Variants in NUP98 observed in about 807,000 individuals in gnomAD.
NUP98 encodes nuclear pore complex protein Nup98-Nup96.
In NUP98, 26 loss-of-function variants were observed where a neutral mutation model predicts 191.9. The ratio of observed to expected loss-of-function variants is 0.14; its 90% CI spans 0.10 to 0.19. NUP98 has a LOEUF of 0.19. NUP98 is among the 10% of genes least tolerant of loss of function. The pLI is 1.00. For missense variants in NUP98, 1,941 were observed against 2,178.8 expected (o/e 0.89, Z 2.17); for synonymous variants, 808 against 778.4 (o/e 1.04, Z -0.63).
At chr11:3,705,753 A>G (rs771734094) in intron 21 of NUP98, among the ~76,000 whole-genome samples, 2 of 152,224 alleles carry the variant, frequency 1.3e-5, no homozygotes, top group African/African-American at 4.8e-5. Context: ...GAGCACATAC[A>G]GAGTCTTAAA....
At chr11:3,748,519 T>C (rs1294648196) in intron 11 of NUP98, among the ~76,000 whole-genome samples, 2 of 152,054 alleles carry the variant, frequency 1.3e-5, no homozygotes, top group African/African-American at 2.4e-5. Flanking sequence ...AGAGTCCATC[T>C]TGGAAAAAAA....
intron 1 of NUP98, among the ~76,000 whole-genome samples, chr11:3,785,956 A>T (rs922281645): frequency 6.6e-6 from 1 of 152,172 alleles, no homozygotes; most frequent in Non-Finnish European, 1.5e-5. Context: ...AAACTGGCCC[A>T]AGCTGAAACC....
intron 11 of NUP98, among the ~76,000 whole-genome samples, chr11:3,751,082 G>T (rs1029407880): frequency 6.6e-6 from 1 of 152,150 alleles, no homozygotes; most frequent in Non-Finnish European, 1.5e-5. Flanking sequence ...TCCCAGGCCG[G>T]GCACGATGGC....
At chr11:3,701,113 A>T (rs969084874) in intron 23 of NUP98, among the ~76,000 whole-genome samples, 51 of 152,310 alleles carry the variant, frequency 3.3e-4, no homozygotes, top group African/African-American at 1.2e-3. Context: ...GAACTGGCTA[A>T]AACTCAAGGG....
At chr11:3,711,241 G>GA (rs531068552) in intron 20 of NUP98, among the ~76,000 whole-genome samples, 8 of 148,768 alleles carry the variant, frequency 5.4e-5, no homozygotes, top group African/African-American at 1.5e-4. Context: ...CTTTCTCAAG[G>GA]AAAAAAAAAG....
At chr11:3,796,317 T>C (rs2082563799) in intron 1 of NUP98, among the ~76,000 whole-genome samples, 2 of 152,216 alleles carry the variant, frequency 1.3e-5, no homozygotes, top group African/African-American at 4.8e-5. Context: ...TATCAATATT[T>C]CCTGCTTTCT....
chr11:3,691,561 T>TC, intron 27 of NUP98, 72 bp from the exon 28 acceptor site: 2 of 573,302 alleles, frequency 3.5e-6, no homozygotes, highest in Non-Finnish European at 5.0e-6. Flanking sequence ...ATGTTTCTTC[T>TC]TTTTTTTTTT....
chr11:3,730,049 C>T (rs2079783547), intron 14 of NUP98, among the ~76,000 whole-genome samples: 1 of 151,750 alleles, frequency 6.6e-6, no homozygotes, highest in Non-Finnish European at 1.5e-5. Context: ...CAAGACCAGC[C>T]TGGCCAACAT....
chr11:3,761,009 G>C (rs1456199827), intron 9 of NUP98, among the ~76,000 whole-genome samples: 2 of 152,118 alleles, frequency 1.3e-5, no homozygotes, highest in African/African-American at 4.8e-5. Flanking sequence ...GAAAAACTTT[G>C]AACATGCTAC....
At chr11:3,724,170 G>A (rs1024274543) in intron 15 of NUP98, among the ~76,000 whole-genome samples, 1 of 151,888 alleles carries the variant, frequency 6.6e-6, no homozygotes, top group East Asian at 1.9e-4. Flanking sequence ...GGTGGATAAC[G>A]CTTGTAATCC....
chr11:3,706,677 GA>G (rs1322130900), intron 20 of NUP98, 50 bp from the exon 21 acceptor site: 1 of 1,480,978 alleles, frequency 6.8e-7, no homozygotes, highest in East Asian at 2.3e-5. Context: ...ATACCAAACA[GA>G]AATAGATTCT....
intron 10 of NUP98, among the ~76,000 whole-genome samples, chr11:3,754,411 A>G (rs577256482): frequency 6.6e-6 from 1 of 152,304 alleles, no homozygotes; most frequent in Admixed American, 6.5e-5. Flanking sequence ...GGATAGAGTG[A>G]GACTCTGTTT....
Position 3,761,213 on chromosome 11 carries a change from C to T in NUP98, c.1087-587G>A, listed in dbSNP as rs544446019. Among the ~76,000 whole-genome samples the T allele has an allele frequency of 8.5e-5, 13 of 152,204 alleles. No homozygotes were observed. In the South Asian group the frequency reaches 2.7e-3, roughly 32 times the overall value. ...TTCTTTTTGGCATAATGAGTATGTT[C>T]TAAAATTAAATATGGTGATAGTTGC... On this transcript the variant is annotated intron_variant, in intron 9 of 32. Coordinates refer to ENST00000324932, the MANE Select transcript of NUP98 (RefSeq NM_016320.5).
intron 14 of NUP98, among the ~76,000 whole-genome samples, chr11:3,729,380 G>A (rs905973083): frequency 4.6e-5 from 7 of 151,686 alleles, no homozygotes; most frequent in African/African-American, 1.5e-4. Context: ...AATCAAGGAG[G>A]AGGGACAAGA....
chr11:3,732,616 G>A (rs2079890128), intron 13 of NUP98, among the ~76,000 whole-genome samples: 1 of 152,104 alleles, frequency 6.6e-6, no homozygotes, highest in Non-Finnish European at 1.5e-5. Flanking sequence ...CAAACTCTGG[G>A]TACCAGAAAT....
chr11:3,786,843 G>A (rs947040631), intron 1 of NUP98, among the ~76,000 whole-genome samples: 1 of 152,210 alleles, frequency 6.6e-6, no homozygotes, highest in South Asian at 2.1e-4. Flanking sequence ...CTATCTGAAA[G>A]ACTATGCAAG....
At chr11:3,719,162 T>C (rs2079299281) in intron 18 of NUP98, among the ~76,000 whole-genome samples, 1 of 150,080 alleles carries the variant, frequency 6.7e-6, no homozygotes. Flanking sequence ...TGAAATGAAA[T>C]AAAATAGAAT....
intron 23 of NUP98, among the ~76,000 whole-genome samples, chr11:3,701,228 G>A (rs1361602081): frequency 6.6e-6 from 1 of 151,086 alleles, no homozygotes; most frequent in Non-Finnish European, 1.5e-5. Context: ...ATTACAATGA[G>A]CATATAGCTA....
At chr11:3,693,463 T>TA in intron 26 of NUP98, 88 bp from the exon 27 acceptor site, 1 of 1,259,618 alleles carries the variant, frequency 7.9e-7, no homozygotes, top group Non-Finnish European at 1.1e-6. Context: ...ATTCACTTAT[T>TA]CAAGGAACAT....
Sources: allele counts gnomAD v4.1 joint callset (sites outside exome capture counted in the v4.1 genomes callset), GRCh38; gene constraint gnomAD v4.1.1; transcripts MANE v1.5; gene names NCBI Gene and HGNC (gene_info 2026-07-23, HGNC 2026-07-21).